The following LRRC4C variants were observed in gnomAD, a reference collection of about 807,000 sequenced individuals.
LRRC4C encodes the protein leucine-rich repeat-containing protein 4C.
LRRC4C carries 5 observed loss-of-function variants against 33.6 expected under a neutral mutation model. The observed-to-expected ratio is 0.15, with a 90% CI of 0.08 to 0.31. LRRC4C has a LOEUF of 0.31. Among genes scored for constraint, LRRC4C ranks in the 10% least tolerant of loss-of-function variants. The pLI is 1.00. For missense variants in LRRC4C, 560 were observed against 796.7 expected (o/e 0.70, Z 3.58); for synonymous variants, 329 against 302.0 (o/e 1.09, Z -0.93).
chr11:40,810,914 T>A (rs961649566), intron 2 of LRRC4C, among the ~76,000 whole-genome samples: 3 of 152,126 alleles, frequency 2.0e-5, no homozygotes, highest in African/African-American at 7.2e-5. Context: ...AATACTAACA[T>A]TTTCTTGCTT....
intron 2 of LRRC4C, among the ~76,000 whole-genome samples, chr11:40,870,592 A>G (rs989780163): frequency 6.6e-6 from 1 of 152,280 alleles, no homozygotes; most frequent in South Asian, 2.1e-4. Context: ...CTTTACTGCA[A>G]TCTCTGAACA....
At chr11:40,648,727 T>A (rs1249887341) in intron 2 of LRRC4C, among the ~76,000 whole-genome samples, 1 of 152,232 alleles carries the variant, frequency 6.6e-6, no homozygotes, top group Non-Finnish European at 1.5e-5. Context: ...CTATCCACAC[T>A]GTCTAGCAGA....
At chr11:41,243,600 T>G (rs1948336983) in intron 1 of LRRC4C, among the ~76,000 whole-genome samples, 1 of 152,140 alleles carries the variant, frequency 6.6e-6, no homozygotes, top group Admixed American at 6.5e-5. Context: ...GCCTTAAAAG[T>G]CAATGGGAAC....
At chr11:40,818,578 G>C (rs1002399451) in intron 2 of LRRC4C, among the ~76,000 whole-genome samples, 3 of 151,746 alleles carry the variant, frequency 2.0e-5, no homozygotes, top group Admixed American at 6.6e-5. Flanking sequence ...CAGTTTCTAT[G>C]ATAAGGAAAA....
intron 1 of LRRC4C, among the ~76,000 whole-genome samples, chr11:41,195,941 T>C (rs1460508091): frequency 1.3e-5 from 2 of 152,084 alleles, no homozygotes; most frequent in African/African-American, 2.4e-5. Context: ...GGAAGTCTCA[T>C]CTACTTTCTG....
At chr11:41,241,496 A>T (rs1698231846) in intron 1 of LRRC4C, among the ~76,000 whole-genome samples, 1 of 152,140 alleles carries the variant, frequency 6.6e-6, no homozygotes, top group South Asian at 2.1e-4. Flanking sequence ...AATATACTTG[A>T]GTTATCAACA....
At chr11:41,376,946 G>A (rs570691664) in intron 1 of LRRC4C, among the ~76,000 whole-genome samples, 1 of 152,166 alleles carries the variant, frequency 6.6e-6, no homozygotes, top group African/African-American at 2.4e-5. Context: ...ACTTTCAATG[G>A]AAAAATGTTA....
At chr11:40,617,129 G>A (rs768542917) in intron 3 of LRRC4C, among the ~76,000 whole-genome samples, 1 of 151,590 alleles carries the variant, frequency 6.6e-6, no homozygotes, top group Non-Finnish European at 1.5e-5. Context: ...CTGCAGAAGA[G>A]TTTATCCATT....
chr11:41,342,827 C>T (rs556782288), intron 1 of LRRC4C, among the ~76,000 whole-genome samples: 1 of 152,190 alleles, frequency 6.6e-6, no homozygotes, highest in Non-Finnish European at 1.5e-5. Context: ...AAAAGTACCA[C>T]AGAGTTGGTG....
chr11:40,526,556 A>G (rs1489867590), intron 3 of LRRC4C, among the ~76,000 whole-genome samples: 1 of 152,190 alleles, frequency 6.6e-6, no homozygotes, highest in Non-Finnish European at 1.5e-5. Flanking sequence ...GTTAAAAAGA[A>G]CAGAAAATAC....
At chr11:41,104,206 A>G (rs1478322381) in intron 1 of LRRC4C, among the ~76,000 whole-genome samples, 2 of 151,950 alleles carry the variant, frequency 1.3e-5, no homozygotes, top group Admixed American at 1.3e-4. Flanking sequence ...CTTATATCCA[A>G]TAAGATACTT....
chr11:41,350,524 A>AAAG (rs1207901169), intron 1 of LRRC4C, among the ~76,000 whole-genome samples: 3 of 151,556 alleles, frequency 2.0e-5, no homozygotes, highest in East Asian at 3.9e-4. Context: ...AAAAAAAAAA[A>AAAG]AAAGAAAGAA....
rs1345503486 is a variant in LRRC4C, at chr11:40,115,939, C to T, written c.354G>A (p.Gly118=). 1 of 1,614,016 alleles carries T rather than the reference C, an allele frequency of 6.2e-7. No individual in the cohort carries two copies. The highest frequency in any genetic ancestry group is 8.5e-7 in the Non-Finnish European group (1 of 1,179,998). The change falls in exon 7 of 7, where the codon GGG becomes GGA. Residue 118 remains glycine (G), a synonymous_variant. Transcript: ENST00000528697. The surrounding 1 kb of genome is among the most constrained non-coding windows in gnomAD (Gnocchi z 6.7). ...SRNHIRTIEI[G]AFNGLANLNT... Reference sequence around the variant, plus strand: ...TGAGGTTCGCCAGACCATTGAAAGCCCCAATTTCAATGGTTCTGATATGGT... The same window carrying T: ...TGAGGTTCGCCAGACCATTGAAAGCTCCAATTTCAATGGTTCTGATATGGT...
chr11:40,206,873 C>T (rs1242520420), intron 5 of LRRC4C, among the ~76,000 whole-genome samples: 1 of 152,074 alleles, frequency 6.6e-6, no homozygotes, highest in East Asian at 1.9e-4. Flanking sequence ...TTAGATTTGG[C>T]TCTGGTAAGA....
At chr11:40,273,286 G>C (rs1335166534) in intron 4 of LRRC4C, among the ~76,000 whole-genome samples, 1 of 152,008 alleles carries the variant, frequency 6.6e-6, no homozygotes, top group Non-Finnish European at 1.5e-5. Flanking sequence ...TTATGGAAGG[G>C]GTATGAGTGA....
chr11:40,620,393 T>C (rs1034798141), intron 3 of LRRC4C, among the ~76,000 whole-genome samples: 3 of 151,728 alleles, frequency 2.0e-5, no homozygotes, highest in East Asian at 3.9e-4. Context: ...AGGCCAATCA[T>C]AAACTTCCCT....
intron 1 of LRRC4C, among the ~76,000 whole-genome samples, chr11:41,137,256 A>G (rs1346494776): frequency 6.6e-6 from 1 of 152,010 alleles, no homozygotes; most frequent in East Asian, 1.9e-4. Context: ...AAAGAAAAAA[A>G]GAAAAAAAAG....
At chr11:40,252,409 A>G (rs1866861482) in intron 4 of LRRC4C, among the ~76,000 whole-genome samples, 1 of 151,994 alleles carries the variant, frequency 6.6e-6, no homozygotes. Context: ...GTACCCCACG[A>G]AACAGAGAGC....
chr11:40,247,529 G>T (rs1411173472), intron 4 of LRRC4C, among the ~76,000 whole-genome samples: 1 of 152,140 alleles, frequency 6.6e-6, no homozygotes, highest in Non-Finnish European at 1.5e-5. Context: ...AGAAGAAAAT[G>T]GAAGCAAAAT....
Sources: gnomAD v4.1 joint callset for allele counts (sites outside exome capture counted in the v4.1 genomes callset) on GRCh38, gnomAD v4.1.1 for gene constraint, Gnocchi (gnomAD v3.1) non-coding constraint, MANE v1.5 for transcripts, NCBI Gene and HGNC (gene_info 2026-07-23, HGNC 2026-07-21) for gene names.